The following CDC20B variants were observed in gnomAD, a reference collection of about 807,000 sequenced individuals.
CDC20B encodes the protein cell division cycle 20B.
Under a neutral mutation model 64.1 loss-of-function variants are expected in CDC20B, and 58 were observed. The ratio of observed to expected loss-of-function variants is 0.90; its 90% CI spans 0.73 to 1.13. The LOEUF (loss-of-function observed/expected upper bound fraction) is 1.13, where lower values mean the gene tolerates loss of function less well. Ranked by LOEUF, CDC20B falls within the 50% of genes most tolerant of loss-of-function variation. The pLI is 0.00. For missense variants in CDC20B, 597 were observed against 633.0 expected, an observed-to-expected ratio of 0.94 and a Z score of 0.61; for synonymous variants, 243 against 230.6, an observed-to-expected ratio of 1.05 and a Z score of -0.49.
chr5:55,120,891 T>C (rs1020826969), intron 9 of CDC20B, among the ~76,000 whole-genome samples: 1 of 152,204 alleles, frequency 6.6e-6, no homozygotes, highest in Non-Finnish European at 1.5e-5. Context: ...ATAGTTCACA[T>C]GTGCCCTTGC....
intron 3 of CDC20B, 152 bp downstream of exon 3, chr5:55,146,476 C>T (rs1018750898): frequency 2.5e-5 from 15 of 606,352 alleles, no homozygotes; most frequent in African/African-American, 1.9e-4. Flanking sequence ...TGTCATTTCT[C>T]CCCACCTTGG....
At chr5:55,147,402 T>G (rs1743525608) in intron 2 of CDC20B, among the ~76,000 whole-genome samples, 1 of 140,372 alleles carries the variant, frequency 7.1e-6, no homozygotes, top group Non-Finnish European at 1.5e-5. Context: ...TATTTATATA[T>G]AAAATATGTT....
chr5:55,130,577 C>T (rs1743005298), intron 6 of CDC20B, among the ~76,000 whole-genome samples: 1 of 152,096 alleles, frequency 6.6e-6, no homozygotes, highest in South Asian at 2.1e-4. Flanking sequence ...ATCTCATCAA[C>T]TGGAAGATGG....
intron 5 of CDC20B, among the ~76,000 whole-genome samples, chr5:55,138,633 A>C (rs1743248060): frequency 6.6e-6 from 1 of 152,122 alleles, no homozygotes; most frequent in Non-Finnish European, 1.5e-5. Flanking sequence ...AAAGGAAAAC[A>C]ACACAGAGAG....
rs746535735 is a variant in CDC20B, at chr5:55,119,964, CT to C, written c.1342-47del. The C allele has an allele frequency of 5.8e-6, 8 of 1,378,838 alleles. No individual in the cohort carries two copies. In the South Asian group the frequency reaches 9.3e-5, roughly 16 times the overall value. 85.4% of individuals were successfully genotyped at this position (1,378,838 alleles called of 1,614,324 possible). A position where few individuals can be genotyped will look rare whatever the true frequency, so the allele number is the denominator to read the frequency against. On this transcript the variant is annotated intron_variant, in intron 10 of 11. Coordinates refer to ENST00000381375, the MANE Select transcript of CDC20B (RefSeq NM_001170402.1). Reference sequence around the variant, plus strand: ...AGAGAATTCTTGCAATTTCTGATTCCTTATGAATATAGTTAAACTGGTTACA... The same window carrying C: ...AGAGAATTCTTGCAATTTCTGATTCCTATGAATATAGTTAAACTGGTTACA...
rs70989702 is a variant in CDC20B, at chr5:55,172,749, C to CTTTT, written c.64-103_64-100dup. 4.6e-4 allele frequency: 245 copies of CTTTT among 537,022 alleles called. 1 individual carries two copies. Among genetic ancestry groups the CTTTT allele is most frequent in the South Asian group, 1.9e-3 (81 of 41,812 alleles). The allele number at this position is 537,022 out of a possible 1,614,324, so 33.3% of individuals were successfully genotyped here. ...TAGATCTTGTGCTTGTCAGATTACACTTTTTTTTTTTTTTTTTTTTTTTTT... is the reference window on the plus strand; with the variant it reads ...TAGATCTTGTGCTTGTCAGATTACACTTTTTTTTTTTTTTTTTTTTTTTTTTTTT... On this transcript the variant is annotated intron_variant, in intron 1 of 11. Transcript: ENST00000381375.
intron 4 of CDC20B, among the ~76,000 whole-genome samples, chr5:55,141,625 C>T (rs938362766): frequency 2.0e-5 from 3 of 152,212 alleles, no homozygotes; most frequent in African/African-American, 7.2e-5. Context: ...GTTCCTTACA[C>T]TCTGGGTCCC....
chr5:55,168,508 C>A (rs1744489160), intron 2 of CDC20B, among the ~76,000 whole-genome samples: 1 of 152,078 alleles, frequency 6.6e-6, no homozygotes, highest in Non-Finnish European at 1.5e-5. Flanking sequence ...TCACTTTCCT[C>A]CTAACCCATT....
At chr5:55,160,365 G>A (rs1420149970) in intron 2 of CDC20B, 1 of 1,612,910 alleles carries the variant, frequency 6.2e-7, no homozygotes, top group Non-Finnish European at 8.5e-7. Context: ...GCAAAAGGAA[G>A]AACTGTTTCT....
Position 55,114,004 on chromosome 5 carries a change from G to A in CDC20B, c.*214C>T. ...GAAGAAGAGGAGGGGGAGGAAGAGG[G>A]GCAGAAAGAAGAAAGCAGAGAAGAA... On this transcript the variant is annotated 3_prime_UTR_variant, in exon 12 of 12. Transcript: ENST00000381375. This position sits in a 1 kb window ranked among gnomAD's most constrained non-coding sequence, Gnocchi z 4.1. The A allele has an allele frequency of 1.3e-6, 1 of 750,410 alleles. No individual in the cohort carries two copies. 46.5% of individuals were successfully genotyped at this position (750,410 alleles called of 1,614,324 possible). A position where few individuals can be genotyped will look rare whatever the true frequency, so the allele number is the denominator to read the frequency against.
intron 5 of CDC20B, among the ~76,000 whole-genome samples, chr5:55,138,960 AAT>A (rs1743257404): frequency 6.6e-6 from 1 of 152,052 alleles, no homozygotes; most frequent in South Asian, 2.1e-4. Context: ...CAATAAAAAA[AAT>A]ATTAAAAAAT....
chr5:55,135,756 A>ATTTTTTT (rs758608766), intron 5 of CDC20B: 1 of 116,354 alleles, frequency 8.6e-6, no homozygotes, highest in African/African-American at 3.2e-5. Flanking sequence ...TTTTTTTGTG[A>ATTTTTTT]TTTTTTTTTT....
At chr5:55,132,844 A>C (rs1012053602) in intron 6 of CDC20B, among the ~76,000 whole-genome samples, 2 of 152,206 alleles carry the variant, frequency 1.3e-5, no homozygotes, top group African/African-American at 4.8e-5. Context: ...TGTTAACAAT[A>C]CCAAAAATGG....
intron 11 of CDC20B, among the ~76,000 whole-genome samples, chr5:55,117,950 A>G (rs891605280): frequency 2.0e-5 from 3 of 152,104 alleles, no homozygotes; most frequent in Non-Finnish European, 4.4e-5. Context: ...CCCCATCTCT[A>G]CTAAAAATAC....
intron 2 of CDC20B, among the ~76,000 whole-genome samples, chr5:55,161,564 T>C (rs1744065104): frequency 6.6e-6 from 1 of 152,238 alleles, no homozygotes; most frequent in Non-Finnish European, 1.5e-5. Flanking sequence ...TTCTCCTCTC[T>C]TGTAACTAGC....
intron 11 of CDC20B, among the ~76,000 whole-genome samples, chr5:55,118,377 A>G (rs962384088): frequency 6.6e-6 from 1 of 152,192 alleles, no homozygotes. Flanking sequence ...GGTTAAATGC[A>G]CTCTTGGAAA....
intron 3 of CDC20B, among the ~76,000 whole-genome samples, chr5:55,145,180 A>G (rs1176400435): frequency 6.6e-6 from 1 of 152,210 alleles, no homozygotes; most frequent in African/African-American, 2.4e-5. Context: ...GAGATACAAA[A>G]GATTTCTTTC....
chr5:55,128,436 G>A lies in CDC20B; in HGVS notation c.879C>T (p.Ser293=), dbSNP rs115040273. 27 of 1,600,022 alleles carry A rather than the reference G, an allele frequency of 1.7e-5. No homozygotes were observed. Among genetic ancestry groups the A allele is most frequent in the East Asian group, 6.7e-5 (3 of 44,522 alleles). Residue 293 remains serine, a synonymous_variant, in exon 7 of 12, where the codon AGC becomes AGT. Transcript: ENST00000381375. ...TGGCCAGTACTTGCACTTCTCCCTCGCTGGTGCCAACTGCCAGGCAAGTTC... is the reference window on the plus strand; with the variant it reads ...TGGCCAGTACTTGCACTTCTCCCTCACTGGTGCCAACTGCCAGGCAAGTTC... The part of the protein sequence containing the change: ...KEGTCLAVGT[S]EGEVQLWDVV...
chr5:55,154,284 G>A (rs1268025536), intron 2 of CDC20B, among the ~76,000 whole-genome samples: 1 of 152,184 alleles, frequency 6.6e-6, no homozygotes, highest in East Asian at 1.9e-4. Context: ...TGGGGGGCCA[G>A]TGCAGAGGGG....
Sources: allele counts gnomAD v4.1 joint callset (sites outside exome capture counted in the v4.1 genomes callset), GRCh38; gene constraint gnomAD v4.1.1; non-coding constraint Gnocchi (gnomAD v3.1); transcripts MANE v1.5; gene names NCBI Gene and HGNC (gene_info 2026-07-23, HGNC 2026-07-21).